Variants in DDX21 observed in about 807,000 individuals in gnomAD.
The protein encoded by DDX21 is nucleolar RNA helicase 2.
Under a neutral mutation model 90.0 loss-of-function variants are expected in DDX21, and 18 were observed. The observed-to-expected ratio is 0.20, with a 90% CI of 0.14 to 0.30. The LOEUF is 0.30. Among genes scored for constraint, DDX21 ranks in the 10% least tolerant of loss-of-function variants. The pLI is 1.00. For synonymous variants in DDX21, 294 were observed against 318.0 expected, an observed-to-expected ratio of 0.92 and a Z score of 0.80; for missense variants, 673 against 944.5, an observed-to-expected ratio of 0.71 and a Z score of 3.77.
At chr10:68,963,515 C>T in intron 4 of DDX21, 46 bp downstream of exon 4, 1 of 1,548,904 alleles carries the variant, frequency 6.5e-7, no homozygotes, top group Non-Finnish European at 8.7e-7. Flanking sequence ...TAGGAAAAAC[C>T]ACCACTTGGG....
intron 13 of DDX21, 91 bp from the exon 14 acceptor site, chr10:68,981,445 GT>G: frequency 8.3e-7 from 1 of 1,203,978 alleles, no homozygotes; most frequent in Non-Finnish European, 1.2e-6. Flanking sequence ...TATGTTTTTT[GT>G]TTTCTTTTTT....
intron 8 of DDX21, 36 bp from the exon 9 acceptor site, chr10:68,971,855 G>A (rs1384649028): frequency 5.0e-6 from 8 of 1,600,712 alleles, no homozygotes; most frequent in Non-Finnish European, 6.8e-6. Flanking sequence ...TGTATTGTTG[G>A]AACTGGTGTT....
chr10:68,960,034 G>A lies in DDX21; in HGVS notation c.316G>A (p.Val106Met), dbSNP rs750986998. The change falls in exon 2 of 15, where the codon GTG (valine) becomes ATG (methionine). Residue 106 changes from valine (V) to methionine (M), a missense_variant. Coordinates refer to ENST00000354185, the MANE Select transcript of DDX21 (RefSeq NM_004728.4). ...GAAAAAGGAGCCCATTGAAAAGAAA[G>A]TGGTTTCTTCTAAAACCAAAAAAGT... is the stretch of plus-strand genomic sequence containing the variant. Reference protein sequence around the residue: ...RKKKEPIEKKVVSSKTKKVTK... With the variant: ...RKKKEPIEKKMVSSKTKKVTK... 1 of 1,604,012 alleles carries A rather than the reference G, an allele frequency of 6.2e-7. No individual in the cohort carries two copies.
chr10:68,973,439 C>T (rs1260724153), intron 9 of DDX21, 106 bp from the exon 10 acceptor site: 5 of 1,423,526 alleles, frequency 3.5e-6, no homozygotes, highest in African/African-American at 1.4e-5. Context: ...CCTCATGTCC[C>T]CAGGTTTATA....
intron 5 of DDX21, 97 bp from the exon 6 acceptor site, chr10:68,966,921 C>A: frequency 1.0e-6 from 1 of 986,850 alleles, no homozygotes; most frequent in Non-Finnish European, 1.4e-6. Flanking sequence ...AGGTATTTAA[C>A]AAATATTTTA....
intron 7 of DDX21, among the ~76,000 whole-genome samples, chr10:68,969,643 T>TAA (rs1267053788): frequency 6.6e-6 from 1 of 152,240 alleles, no homozygotes; most frequent in Non-Finnish European, 1.5e-5. Context: ...ATTTGGAACT[T>TAA]AAATCTATCT....
chr10:68,981,527 T>C lies in DDX21; in HGVS notation c.2038-10T>C, dbSNP rs202153145. 7.2e-5 allele frequency: 116 copies of C among 1,612,688 alleles called. No homozygotes were observed. In the African/African-American group the frequency reaches 1.4e-3, roughly 20 times the overall value. ...TGGTTGGATTAACTTCCATTTGCTT[T>C]GATTTCTAGGGTGTTTGCTTTGATG... On this transcript the variant is annotated splice_polypyrimidine_tract_variant and intron_variant, in intron 13 of 14. Transcript: ENST00000354185.
chr10:68,970,955 A>ATTTTTTTTTTTTT (rs56314802), intron 8 of DDX21, among the ~76,000 whole-genome samples: 1 of 72,520 alleles, frequency 1.4e-5, no homozygotes, highest in African/African-American at 5.0e-5. Context: ...GCCCAGCCTA[A>ATTTTTTTTTTTTT]TTTTTTTTTT....
intron 4 of DDX21, 59 bp downstream of exon 4, chr10:68,963,528 T>G (rs1016595245): frequency 6.7e-7 from 1 of 1,499,624 alleles, no homozygotes; most frequent in Non-Finnish European, 9.0e-7. Context: ...CACTTGGGCA[T>G]TGTGTACATA....
chr10:68,959,389 G>A (rs1842842699), intron 1 of DDX21, among the ~76,000 whole-genome samples: 1 of 152,186 alleles, frequency 6.6e-6, no homozygotes, highest in African/African-American at 2.4e-5. Flanking sequence ...AGGTACTCGG[G>A]AGGCTGAGGC....
At chr10:68,973,436 TC>T in intron 9 of DDX21, 108 bp from the exon 10 acceptor site, 1 of 1,377,076 alleles carries the variant, frequency 7.3e-7, no homozygotes. Flanking sequence ...CTCCCTCATG[TC>T]CCCAGGTTTA....
At chr10:68,977,408 A>G in intron 11 of DDX21, 121 bp from the exon 12 acceptor site, 1 of 946,092 alleles carries the variant, frequency 1.1e-6, no homozygotes, top group Non-Finnish European at 1.6e-6. Flanking sequence ...ATACTGCATC[A>G]AAAATAAATA....
rs1843218973 is a variant in DDX21, at chr10:68,983,095, C to T, written c.*283C>T. ...TTATCTGTAGATTAGAAGATAAAATCAAGCATGTATCTGCCTATACTTTGT... is the reference window on the plus strand; with the variant it reads ...TTATCTGTAGATTAGAAGATAAAATTAAGCATGTATCTGCCTATACTTTGT... On this transcript the variant is annotated 3_prime_UTR_variant, in exon 15 of 15. Coordinates refer to ENST00000354185, the MANE Select transcript of DDX21 (RefSeq NM_004728.4). 9.2e-6 allele frequency: 4 copies of T among 433,522 alleles called. No homozygotes were observed. The South Asian group carries it at 1.1e-4, about 12-fold the overall frequency. The allele number at this position is 433,522 out of a possible 1,614,324, so 26.9% of individuals were successfully genotyped here. A position where few individuals can be genotyped will look rare whatever the true frequency, so the allele number is the denominator to read the frequency against.
chr10:68,973,790 G>A, intron 10 of DDX21, 126 bp downstream of exon 10: 1 of 1,269,786 alleles, frequency 7.9e-7, no homozygotes, highest in South Asian at 1.5e-5. Flanking sequence ...AAAGCTTATT[G>A]TTAGGTACAT....
rs1843222580 is a variant in DDX21 at position 68,983,360 on chromosome 10, C to T, written c.*548C>T. On this transcript the variant is annotated 3_prime_UTR_variant, in exon 15 of 15. Transcript: ENST00000354185. ...ATCTGGGTTGTAATACAGTTTATAC[C>T]AGTGTATGCTCTAGACTTGGAAGAT... 1 of 156,722 alleles carries T rather than the reference C, an allele frequency of 6.4e-6. No individual in the cohort carries two copies. The highest frequency in any genetic ancestry group is 1.9e-4 in the South Asian group (1 of 5,326). The allele number at this position is 156,722 out of a possible 1,614,324, so 9.7% of individuals were successfully genotyped here. A position where few individuals can be genotyped will look rare whatever the true frequency, so the allele number is the denominator to read the frequency against.
intron 10 of DDX21, among the ~76,000 whole-genome samples, chr10:68,974,077 G>C (rs1334915105): frequency 1.3e-5 from 2 of 152,190 alleles, no homozygotes; most frequent in African/African-American, 4.8e-5. Context: ...CCTTCCTCTT[G>C]AGTGGACTGC....
At chr10:68,964,117 AAAAG>A (rs754987053) in intron 4 of DDX21, 5 of 430,912 alleles carry the variant, frequency 1.2e-5, no homozygotes, top group African/African-American at 2.1e-5. Flanking sequence ...AAAAAAAAAA[AAAAG>A]AAAAGCATGA....
At position 68,956,305 on chromosome 10, in the gene DDX21, C is replaced by T. The variant is rs17556220; in HGVS notation, c.80C>T (p.Thr27Ile). 0.014 allele frequency: 23,032 copies of T among 1,614,120 alleles called. 212 individuals are homozygous for T. The highest frequency in any genetic ancestry group is 0.021 in the South Asian group (1,900 of 91,082). The change falls in exon 1 of 15, where the codon ACC (threonine) becomes ATC (isoleucine). Residue 27 changes from threonine to isoleucine, a missense_variant. This residue lies in a region of DDX21 where 204 missense variants were observed against 221.6 expected (regional missense o/e 0.92). Transcript: ENST00000354185. ...MKKGETLRKQ[T>I]EEKEKKEKPK... ...AAAGGGGAGACACTGCGAAAGCAAA[C>T]CGAGGAGGTGAAACGGAGGGACCTG...
chr10:68,968,664 AAAT>A (rs1471223404), intron 6 of DDX21, among the ~76,000 whole-genome samples: 8 of 152,244 alleles, frequency 5.3e-5, no homozygotes, highest in Non-Finnish European at 1.2e-4. Context: ...CAAGAATTCT[AAAT>A]TCATAAAATA....
Sources: gnomAD v4.1 joint callset for allele counts (sites outside exome capture counted in the v4.1 genomes callset) on GRCh38, gnomAD v4.1.1 for gene constraint, gnomAD v4.1.1 regional missense constraint, MANE v1.5 for transcripts, NCBI Gene and HGNC (gene_info 2026-07-23, HGNC 2026-07-21) for gene names.